FOXJ3: variants seen among roughly 807,000 people sequenced by gnomAD.
FOXJ3 encodes the protein forkhead box J3, also known as forkhead box protein J3.
FOXJ3 carries 22 observed loss-of-function variants against 76.1 expected under a neutral mutation model. That is an observed-to-expected ratio of 0.29 (90% confidence interval 0.21 to 0.41). FOXJ3 has a LOEUF of 0.41. FOXJ3 is among the 10% of genes least tolerant of loss of function. The pLI is 1.00. For synonymous variants in FOXJ3, 269 were observed against 261.2 expected (o/e 1.03, Z -0.29); for missense variants, 613 against 762.1 (o/e 0.80, Z 2.30).
chr1:42,264,562 G>A (rs977858515), intron 4 of FOXJ3, among the ~76,000 whole-genome samples: 1 of 151,954 alleles, frequency 6.6e-6, no homozygotes, highest in Non-Finnish European at 1.5e-5. Flanking sequence ...AAGTTTCAGA[G>A]ACCAAGCAAC....
intron 2 of FOXJ3, among the ~76,000 whole-genome samples, chr1:42,304,158 T>C (rs1199208429): frequency 6.6e-6 from 1 of 152,050 alleles, no homozygotes; most frequent in Non-Finnish European, 1.5e-5. Flanking sequence ...TCATTTACAA[T>C]AGGTACAAAT....
At chr1:42,296,809 C>G (rs562830540) in intron 2 of FOXJ3, among the ~76,000 whole-genome samples, 1 of 152,280 alleles carries the variant, frequency 6.6e-6, no homozygotes, top group Admixed American at 6.5e-5. Context: ...TCCATATGCA[C>G]TCCAGTGCTG....
rs1205620048 is a variant in FOXJ3 at position 42,335,199 on chromosome 1, A to C, written c.-158T>G. The C allele has an allele frequency of 1.3e-5, 2 of 152,042 alleles. No individual in the cohort carries two copies. The highest frequency in any genetic ancestry group is 4.8e-5 in the African/African-American group (2 of 41,402). 9.4% of individuals were successfully genotyped at this position (152,042 alleles called of 1,614,324 possible). On this transcript the variant is annotated 5_prime_UTR_variant, in exon 1 of 13. Transcript: ENST00000361346. The stretch of plus-strand genomic sequence containing the variant: ...CCCCGAGAGCGGCGGCGGCAGCAAG[A>C]GCAGCCAACATCCGGGGCCGCGCAC...
intron 11 of FOXJ3, among the ~76,000 whole-genome samples, chr1:42,184,710 G>C (rs1646399619): frequency 6.6e-6 from 1 of 152,078 alleles, no homozygotes; most frequent in Admixed American, 6.5e-5. Context: ...CAGAGAGAGA[G>C]AACAAGGACT....
intron 4 of FOXJ3, among the ~76,000 whole-genome samples, chr1:42,239,396 TTC>T (rs917387048): frequency 3.7e-4 from 55 of 150,220 alleles, no homozygotes; most frequent in African/African-American, 1.3e-3. Flanking sequence ...GTTAAGGAAA[TTC>T]TCTTTTTATT....
chr1:42,220,818 A>G (rs1647168396), intron 5 of FOXJ3, among the ~76,000 whole-genome samples: 1 of 152,178 alleles, frequency 6.6e-6, no homozygotes, highest in African/African-American at 2.4e-5. Flanking sequence ...TCATCCCTCA[A>G]ACTACCTGTG....
rs149001250 is a variant in FOXJ3, at chr1:42,298,548, CT to C, written c.44+12501del. 3.8e-3 allele frequency among the ~76,000 whole-genome samples: 569 copies of C among 150,542 alleles called. 3 individuals are homozygous for C. Among genetic ancestry groups the C allele is most frequent in the African/African-American group, 0.011 (470 of 40,976 alleles). On this transcript the variant is annotated intron_variant, in intron 2 of 12. Coordinates refer to ENST00000361346, the MANE Select transcript of FOXJ3 (RefSeq NM_014947.5). ...TTATCATTTCTGCTTATATTTAAAA[CT>C]TTTTTTTTTCTTGGTTAACTTAGCT...
At chr1:42,183,514 C>G (rs543788807) in intron 11 of FOXJ3, among the ~76,000 whole-genome samples, 1 of 151,894 alleles carries the variant, frequency 6.6e-6, no homozygotes, top group South Asian at 2.1e-4. Context: ...AAAGAGAGAA[C>G]AAACATGACC....
At chr1:42,311,350 AG>A (rs1457634764) in intron 1 of FOXJ3, among the ~76,000 whole-genome samples, 1 of 152,212 alleles carries the variant, frequency 6.6e-6, no homozygotes, top group African/African-American at 2.4e-5. Context: ...CATATCAGGA[AG>A]CGTAACAGAA....
chr1:42,226,427 C>T (rs2124449570), intron 5 of FOXJ3, among the ~76,000 whole-genome samples: 1 of 152,308 alleles, frequency 6.6e-6, no homozygotes, highest in East Asian at 1.9e-4. Context: ...GCCTGGCCAA[C>T]ATGGCAAAAC....
chr1:42,208,227 C>T lies in FOXJ3; in HGVS notation c.529-2364G>A, dbSNP rs1646897540. Among the ~76,000 whole-genome samples the T allele has an allele frequency of 2.0e-5, 3 of 152,320 alleles. No individual in the cohort carries two copies. The South Asian group carries it at 6.2e-4, about 32-fold the overall frequency. ...TAAGTGCTGGCCACTATGATGACCA[C>T]TAGAATATATCTGCTACTGATGTCA... On this transcript the variant is annotated intron_variant, in intron 5 of 12. Transcript: ENST00000361346.
Position 42,278,330 on chromosome 1 carries a change from T to C in FOXJ3, c.369+18A>G. On this transcript the variant is annotated intron_variant, in intron 3 of 12. Transcript: ENST00000361346. ...ATTGCTTACTTCATAAAAGTAATAATTTAAATAAAATCCTTACCTTCCAAC... is the reference window on the plus strand; with the variant it reads ...ATTGCTTACTTCATAAAAGTAATAACTTAAATAAAATCCTTACCTTCCAAC... The C allele has an allele frequency of 6.6e-7, 1 of 1,520,226 alleles. No homozygotes were observed. Among genetic ancestry groups the C allele is most frequent in the Middle Eastern group, 1.7e-4 (1 of 5,754 alleles). 94.2% of individuals were successfully genotyped at this position (1,520,226 alleles called of 1,614,324 possible).
chr1:42,299,301 C>T (rs1235862785), intron 2 of FOXJ3, among the ~76,000 whole-genome samples: 1 of 151,480 alleles, frequency 6.6e-6, no homozygotes, highest in Non-Finnish European at 1.5e-5. Context: ...GTGTGGAGTG[C>T]ATATATATTT....
At chr1:42,184,473 T>C (rs928828963) in intron 11 of FOXJ3, among the ~76,000 whole-genome samples, 1 of 152,124 alleles carries the variant, frequency 6.6e-6, no homozygotes, top group African/African-American at 2.4e-5. Flanking sequence ...TAATTCTCAT[T>C]TTTTCCCATA....
At position 42,309,212 on chromosome 1, in the gene FOXJ3, CCTT is replaced by C. The variant is rs537149544; in HGVS notation, c.44+1835_44+1837del. ...GCAATTTTGTATCTGTCCTCTCTCT[CCTT>C]CTGCCCTCCAAAGCTGGGCAATTGT... is the stretch of plus-strand genomic sequence containing the variant. On this transcript the variant is annotated intron_variant, in intron 2 of 12. Coordinates refer to ENST00000361346, the MANE Select transcript of FOXJ3 (RefSeq NM_014947.5). Among the ~76,000 whole-genome samples the C allele has an allele frequency of 5.3e-4, 81 of 152,240 alleles. 1 individual carries two copies. Among genetic ancestry groups the C allele is most frequent in the African/African-American group, 1.6e-3 (66 of 41,550 alleles).
At position 42,191,362 on chromosome 1, in the gene FOXJ3, T is replaced by C; in HGVS notation, c.1292A>G (p.Gln431Arg). 6.3e-7 allele frequency: 1 copy of C among 1,586,502 alleles called. No individual in the cohort carries two copies. Among genetic ancestry groups the C allele is most frequent in the East Asian group, 2.3e-5 (1 of 44,386 alleles). ...HQHIQHHPNH[Q>R]HQTLTHQAPP... ...TGCCTGATGTGTTAACGTCTGATGC[T>C]GATGGTTCGGATGGTGCTGTATGTG... The change falls in exon 9 of 13, where the codon CAG becomes CGG. Residue 431 changes from glutamine (Q) to arginine (R), a missense_variant. Around this residue, in one of 3 missense-constraint regions of FOXJ3, gnomAD observed 526 missense variants for 601.4 expected, o/e 0.87. Transcript: ENST00000361346.
chr1:42,203,266 C>T (rs1646796565), intron 6 of FOXJ3, among the ~76,000 whole-genome samples: 1 of 152,190 alleles, frequency 6.6e-6, no homozygotes. Context: ...TATTCAATCA[C>T]TTGTTTACAT....
At chr1:42,303,805 C>A (rs902262608) in intron 2 of FOXJ3, among the ~76,000 whole-genome samples, 1 of 152,136 alleles carries the variant, frequency 6.6e-6, no homozygotes, top group Non-Finnish European at 1.5e-5. Context: ...ATAAAATAAA[C>A]CCTCTAATAA....
intron 5 of FOXJ3, among the ~76,000 whole-genome samples, chr1:42,219,078 T>TGAA (rs1412645575): frequency 6.2e-4 from 94 of 152,364 alleles, no homozygotes; most frequent in African/African-American, 2.0e-3. Flanking sequence ...GAGTCCTCTC[T>TGAA]TTTCCACAGT....
Sources: gnomAD v4.1 joint callset for allele counts (sites outside exome capture counted in the v4.1 genomes callset) on GRCh38, gnomAD v4.1.1 for gene constraint, gnomAD v4.1.1 regional missense constraint, MANE v1.5 for transcripts, NCBI Gene and HGNC (gene_info 2026-07-23, HGNC 2026-07-21) for gene names.